The following PXDNL variants were observed in gnomAD, a reference collection of about 807,000 sequenced individuals.
The protein encoded by PXDNL is peroxidasin like, also known as probable oxidoreductase PXDNL.
Under a neutral mutation model 150.8 loss-of-function variants are expected in PXDNL, and 145 were observed. That is an observed-to-expected ratio of 0.96 (90% CI 0.84 to 1.10). The LOEUF (loss-of-function observed/expected upper bound fraction) is 1.10. Ranked by LOEUF, PXDNL falls within the 50% of genes least tolerant of loss-of-function variation. PXDNL has a pLI of 0.00. For synonymous variants in PXDNL, 757 were observed against 725.7 expected (o/e 1.04, Z -0.69); for missense variants, 2,087 against 1,873.9 (o/e 1.11, Z -2.10).
chr8:51,802,862 G>C (rs2037635309), intron 1 of PXDNL, among the ~76,000 whole-genome samples: 1 of 152,110 alleles, frequency 6.6e-6, no homozygotes, highest in Non-Finnish European at 1.5e-5. Flanking sequence ...AGTTATAGTG[G>C]TACCTATTTG....
At chr8:51,469,518 T>A (rs1390598009) in intron 8 of PXDNL, among the ~76,000 whole-genome samples, 1 of 152,072 alleles carries the variant, frequency 6.6e-6, no homozygotes, top group Non-Finnish European at 1.5e-5. Context: ...ATCTGGTTAT[T>A]CCCACATACC....
rs139238616 is a variant in PXDNL at position 51,372,214 on chromosome 8, C to G, written c.3693-133G>C. 5.4e-4 allele frequency: 341 copies of G among 627,538 alleles called. 1 individual carries two copies. The African/African-American group carries it at 5.4e-3, about 10-fold the overall frequency. The allele number at this position is 627,538 out of a possible 1,614,324, so 38.9% of individuals were successfully genotyped here. On this transcript the variant is annotated intron_variant, in intron 18 of 22. Coordinates refer to ENST00000356297, the MANE Select transcript of PXDNL (RefSeq NM_144651.5). ...ATACTGAAAGAATTATGCTTGTTCT[C>G]CAACTGAGTATCCTTTTAATTCTCT...
At chr8:51,409,621 G>C in intron 16 of PXDNL, 60 bp from the exon 17 acceptor site, 1 of 1,426,104 alleles carries the variant, frequency 7.0e-7, no homozygotes, top group Non-Finnish European at 9.4e-7. Context: ...CGGGCAACTT[G>C]GAACTCCAGA....
chr8:51,570,017 C>CAACT (rs541362872), intron 3 of PXDNL, among the ~76,000 whole-genome samples: 336 of 152,072 alleles, frequency 2.2e-3, no homozygotes, highest in Non-Finnish European at 4.1e-3. Flanking sequence ...TTAGCAGCAC[C>CAACT]AACTTCCTCA....
chr8:51,536,921 T>C (rs554102015), intron 4 of PXDNL, among the ~76,000 whole-genome samples: 1 of 152,306 alleles, frequency 6.6e-6, no homozygotes, highest in South Asian at 2.1e-4. Flanking sequence ...ACTCAATGTT[T>C]ATAAAAATCC....
At chr8:51,635,465 A>G (rs1404863010) in intron 2 of PXDNL, among the ~76,000 whole-genome samples, 1 of 152,046 alleles carries the variant, frequency 6.6e-6, no homozygotes, top group East Asian at 1.9e-4. Flanking sequence ...GATCAATACA[A>G]TTTTAAAAAC....
intron 1 of PXDNL, among the ~76,000 whole-genome samples, chr8:51,786,159 T>C (rs1033344068): frequency 4.6e-5 from 7 of 152,224 alleles, no homozygotes; most frequent in Non-Finnish European, 7.3e-5. Flanking sequence ...CTTCATATAC[T>C]GAAAGAGGCA....
intron 17 of PXDNL, among the ~76,000 whole-genome samples, chr8:51,385,814 G>C (rs1000743662): frequency 6.6e-6 from 1 of 152,036 alleles, no homozygotes; most frequent in East Asian, 1.9e-4. Flanking sequence ...TTTTATAAGG[G>C]GTTTCTCCTT....
intron 2 of PXDNL, among the ~76,000 whole-genome samples, chr8:51,616,112 C>G (rs10093353): frequency 0.083 from 12,708 of 152,250 alleles, 679 homozygotes; most frequent in African/African-American, 0.14. Flanking sequence ...GATGGACTAG[C>G]CTGGGGCAAT....
chr8:51,709,784 T>C (rs1816458033), intron 1 of PXDNL, among the ~76,000 whole-genome samples: 1 of 152,192 alleles, frequency 6.6e-6, no homozygotes, highest in Non-Finnish European at 1.5e-5. Flanking sequence ...ACCAACATCA[T>C]TTACATGATA....
chr8:51,423,118 G>GC (rs1809000107), intron 14 of PXDNL, among the ~76,000 whole-genome samples: 1 of 152,176 alleles, frequency 6.6e-6, no homozygotes, highest in Non-Finnish European at 1.5e-5. Context: ...ATAAATGCCT[G>GC]GAAACACTGA....
At chr8:51,433,854 T>C (rs1809320507) in intron 12 of PXDNL, among the ~76,000 whole-genome samples, 1 of 152,174 alleles carries the variant, frequency 6.6e-6, no homozygotes, top group African/African-American at 2.4e-5. Context: ...TTCCAACATA[T>C]ATTCCATTGT....
At chr8:51,529,077 G>A (rs1329634716) in intron 4 of PXDNL, among the ~76,000 whole-genome samples, 1 of 152,124 alleles carries the variant, frequency 6.6e-6, no homozygotes. Context: ...CATTATGGAC[G>A]ATGTCAGGTT....
At chr8:51,783,775 T>C (rs1337392267) in intron 1 of PXDNL, among the ~76,000 whole-genome samples, 1 of 152,220 alleles carries the variant, frequency 6.6e-6, no homozygotes, top group Non-Finnish European at 1.5e-5. Flanking sequence ...ATTAGCCAGA[T>C]AGCCAAGTTC....
intron 2 of PXDNL, among the ~76,000 whole-genome samples, chr8:51,628,895 C>A (rs1814426152): frequency 6.7e-6 from 1 of 149,268 alleles, no homozygotes; most frequent in African/African-American, 2.6e-5. Flanking sequence ...AAAAACAAAT[C>A]TTGAAGAGGG....
At chr8:51,769,719 C>T (rs1318755459) in intron 1 of PXDNL, among the ~76,000 whole-genome samples, 1 of 152,228 alleles carries the variant, frequency 6.6e-6, no homozygotes, top group African/African-American at 2.4e-5. Context: ...TTCTTAGTCA[C>T]TTGCTTTTAG....
intron 19 of PXDNL, among the ~76,000 whole-genome samples, chr8:51,347,777 T>C (rs1806205669): frequency 6.6e-6 from 1 of 151,010 alleles, no homozygotes; most frequent in Admixed American, 6.6e-5. Context: ...GTCAAGACAT[T>C]CTAGATAAAG....
At chr8:51,561,288 G>T (rs563713241) in intron 3 of PXDNL, among the ~76,000 whole-genome samples, 1 of 152,016 alleles carries the variant, frequency 6.6e-6, no homozygotes, top group Admixed American at 6.6e-5. Flanking sequence ...TGAAAGTAGA[G>T]ATATCTGCAC....
chr8:51,323,731 T>C (rs1323400155), intron 21 of PXDNL, among the ~76,000 whole-genome samples: 1 of 151,846 alleles, frequency 6.6e-6, no homozygotes, highest in African/African-American at 2.4e-5. Context: ...CGGGTCAACA[T>C]GGTGAAACCC....
Sources: gnomAD v4.1 joint callset for allele counts (sites outside exome capture counted in the v4.1 genomes callset) on GRCh38, gnomAD v4.1.1 for gene constraint, MANE v1.5 for transcripts, NCBI Gene and HGNC (gene_info 2026-07-23, HGNC 2026-07-21) for gene names.